The following TUSC3 variants were observed in gnomAD, a reference collection of about 807,000 sequenced individuals.
The protein encoded by TUSC3 is tumor suppressor candidate 3, also known as dolichyl-diphosphooligosaccharide--protein glycosyltransferase subunit TUSC3.
TUSC3 carries 45 observed loss-of-function variants against 44.8 expected under a neutral mutation model. The observed-to-expected ratio is 1.00, with a 90% CI of 0.79 to 1.29. TUSC3 has a LOEUF of 1.29. Among genes scored for constraint, TUSC3 ranks in the 50% most tolerant of loss-of-function variants. The pLI is 0.00. For missense variants in TUSC3, 519 were observed against 437.9 expected (o/e 1.19, Z -1.65); for synonymous variants, 212 against 152.9 (o/e 1.39, Z -2.85).
chr8:15,431,466 T>G (rs567678580), intron 1 of TUSC3, among the ~76,000 whole-genome samples: 1 of 151,902 alleles, frequency 6.6e-6, no homozygotes, highest in Non-Finnish European at 1.5e-5. Context: ...CATAATTTCC[T>G]TTACAAATTG....
chr8:15,840,521 A>G, the TUSC3 span, among the ~76,000 whole-genome samples: 1 of 152,186 alleles, frequency 6.6e-6, no homozygotes, highest in Non-Finnish European at 1.5e-5. Flanking sequence ...AGATGAAATT[A>G]TTTTAAAATG....
rs565043526 is a variant in TUSC3 at position 15,734,405 on chromosome 8, T to A, written c.862+3676T>A. ...TGTTTTATTTTTTCAGTATCTTATT[T>A]AAGAAAACAATCCTAAGTAGTCTTT... On this transcript the variant is annotated intron_variant, in intron 7 of 10. Transcript: ENST00000503731. Among the ~76,000 whole-genome samples the A allele has an allele frequency of 1.4e-3, 209 of 152,282 alleles. 2 individuals carry two copies. Among genetic ancestry groups the A allele is most frequent in the Middle Eastern group, 0.01 (3 of 294 alleles).
intron 5 of TUSC3, among the ~76,000 whole-genome samples, chr8:15,671,972 A>T (rs537163472): frequency 6.6e-6 from 1 of 152,146 alleles, no homozygotes; most frequent in Non-Finnish European, 1.5e-5. Context: ...TGCCTCCAGT[A>T]AGTAATTGTC....
At chr8:15,452,930 C>T (rs1563254625) in intron 1 of TUSC3, among the ~76,000 whole-genome samples, 1 of 151,944 alleles carries the variant, frequency 6.6e-6, no homozygotes, top group Non-Finnish European at 1.5e-5. Flanking sequence ...CTACAATTGT[C>T]TTGGTAAGTT....
intron 6 of TUSC3, among the ~76,000 whole-genome samples, chr8:15,688,559 A>G (rs749491171): frequency 2.0e-5 from 3 of 151,846 alleles, no homozygotes; most frequent in African/African-American, 4.8e-5. Flanking sequence ...ATAGTACCCG[A>G]TGGGTAGTTT....
chr8:15,672,113 G>A (rs1309713323), intron 5 of TUSC3, among the ~76,000 whole-genome samples: 1 of 152,026 alleles, frequency 6.6e-6, no homozygotes, highest in South Asian at 2.1e-4. Context: ...CATCATGGAT[G>A]CAGGGGGAAG....
At chr8:15,851,088 G>A in the TUSC3 span, among the ~76,000 whole-genome samples, 5 of 152,286 alleles carry the variant, frequency 3.3e-5, no homozygotes, top group East Asian at 1.9e-4. Flanking sequence ...GACGCTTTTC[G>A]GAAGGTAACA....
At chr8:15,595,646 T>A (rs1270624427) in intron 1 of TUSC3, among the ~76,000 whole-genome samples, 2 of 151,840 alleles carry the variant, frequency 1.3e-5, no homozygotes, top group Admixed American at 1.3e-4. Flanking sequence ...ATGGAAGGAG[T>A]ATATTTGCTG....
chr8:15,555,709 G>A (rs1585096931), intron 1 of TUSC3, among the ~76,000 whole-genome samples: 1 of 151,658 alleles, frequency 6.6e-6, no homozygotes, highest in African/African-American at 2.4e-5. Flanking sequence ...TTTCATGTTT[G>A]TAATATTTCA....
At chr8:15,574,115 A>C (rs567797153) in intron 1 of TUSC3, among the ~76,000 whole-genome samples, 4 of 152,214 alleles carry the variant, frequency 2.6e-5, no homozygotes, top group African/African-American at 9.6e-5. Context: ...CCGTCAAGGG[A>C]AGCTCACTGG....
chr8:15,748,147 T>C (rs1811502358), intron 8 of TUSC3, among the ~76,000 whole-genome samples: 1 of 148,348 alleles, frequency 6.7e-6, no homozygotes, highest in Non-Finnish European at 1.5e-5. Context: ...ATACCACAAA[T>C]AGTACATTTT....
intron 1 of TUSC3, among the ~76,000 whole-genome samples, chr8:15,465,908 C>A (rs1256914375): frequency 6.6e-6 from 1 of 152,102 alleles, no homozygotes; most frequent in Non-Finnish European, 1.5e-5. Flanking sequence ...ATCAACTTAG[C>A]GGTCCCTAGT....
chr8:15,685,537 G>A (rs1236922419), intron 6 of TUSC3, among the ~76,000 whole-genome samples: 1 of 152,094 alleles, frequency 6.6e-6, no homozygotes, highest in Non-Finnish European at 1.5e-5. Context: ...TTAACAGAAA[G>A]TTTATTATTG....
the TUSC3 span, among the ~76,000 whole-genome samples, chr8:15,819,846 A>G: frequency 6.6e-6 from 1 of 152,210 alleles, no homozygotes; most frequent in Non-Finnish European, 1.5e-5. Context: ...CGTATTTATG[A>G]TAAAAGACAG....
intron 1 of TUSC3, among the ~76,000 whole-genome samples, chr8:15,616,445 G>A (rs1417800452): frequency 6.6e-6 from 1 of 152,146 alleles, no homozygotes; most frequent in Admixed American, 6.5e-5. Context: ...CGTCGTGGTG[G>A]CTCACGCCTG....
intron 2 of TUSC3, among the ~76,000 whole-genome samples, chr8:15,517,858 A>T (rs1801241607): frequency 6.6e-6 from 1 of 151,938 alleles, no homozygotes; most frequent in African/African-American, 2.4e-5. Flanking sequence ...TTCTGATATA[A>T]TTCACATACC....
At chr8:15,613,260 A>C (rs1373110786) in intron 1 of TUSC3, among the ~76,000 whole-genome samples, 1 of 151,532 alleles carries the variant, frequency 6.6e-6, no homozygotes, top group Non-Finnish European at 1.5e-5. Context: ...AATTTAGCAC[A>C]GTGCTTTTCT....
chr8:15,727,521 T>C (rs1183210191), intron 6 of TUSC3, among the ~76,000 whole-genome samples: 3 of 152,132 alleles, frequency 2.0e-5, no homozygotes, highest in Non-Finnish European at 4.4e-5. Context: ...GCAAACAAAT[T>C]CAAGCTAAGT....
rs1276079521 is a variant in TUSC3, at chr8:15,448,117, A to ATATATATATTTATT, written n.91+30815_91+30816insATATATTTATTTAT. Among the ~76,000 whole-genome samples, 2 of 93,782 alleles carry ATATATATATTTATT rather than the reference A, an allele frequency of 2.1e-5. 1 individual carries two copies. Among genetic ancestry groups the ATATATATATTTATT allele is most frequent in the Non-Finnish European group, 4.3e-5 (2 of 46,008 alleles). 61.5% of individuals were successfully genotyped at this position (93,782 alleles called of 152,430 possible). On this transcript the variant is annotated intron_variant and non_coding_transcript_variant, in intron 1 of 5. Coordinates refer to the TUSC3 transcript ENST00000503191. ...TATGGTAGTGTATATACATATATATATATTTATTTATTTATTTTTTAGATG... is the reference window on the plus strand; with the variant it reads ...TATGGTAGTGTATATACATATATATATATATATATTTATTTATTTATTTATTTATTTTTTAGATG...
Sources: gnomAD v4.1 joint callset for allele counts (sites outside exome capture counted in the v4.1 genomes callset) on GRCh38, gnomAD v4.1.1 for gene constraint, MANE v1.5 for transcripts, NCBI Gene and HGNC (gene_info 2026-07-23, HGNC 2026-07-21) for gene names.